Variants in G6PC1 observed in about 807,000 individuals in gnomAD.
G6PC1 encodes the protein G-6-Pase.
A neutral mutation model predicts 30.4 loss-of-function variants in G6PC1; 23 were observed. That is an observed-to-expected ratio of 0.76 (90% confidence interval 0.55 to 1.07). G6PC1 has a LOEUF of 1.07. Ranked by LOEUF, G6PC1 falls within the 50% of genes least tolerant of loss-of-function variation. The pLI, the probability that G6PC1 is intolerant of heterozygous loss-of-function variation, is 0.00. For synonymous variants in G6PC1, 163 were observed against 175.6 expected (o/e 0.93, Z 0.57); for missense variants, 391 against 433.9 (o/e 0.90, Z 0.88).
rs1232795664 is a variant in G6PC1 at position 42,900,874 on chromosome 17, A to T, written c.-3A>T. 6.2e-7 allele frequency: 1 copy of T among 1,612,592 alleles called. No homozygotes were observed. Among genetic ancestry groups the T allele is most frequent in the Non-Finnish European group, 8.5e-7 (1 of 1,178,570 alleles). The stretch of plus-strand genomic sequence containing the variant: ...ATCTTCCTGAGGTGCCAAGGAAATG[A>T]GGATGGAGGAAGGAATGAATGTTCT... On this transcript the variant is annotated 5_prime_UTR_variant, in exon 1 of 5. Transcript: ENST00000253801.
At chr17:42,905,433 T>C (rs1166389963) in intron 2 of G6PC1, among the ~76,000 whole-genome samples, 2 of 93,302 alleles carry the variant, frequency 2.1e-5, no homozygotes, top group South Asian at 6.0e-4. Context: ...AAAAAAAATA[T>C]ATATATATAT....
intron 2 of G6PC1, 91 bp downstream of exon 2, chr17:42,904,131 C>T (rs2151930074): frequency 1.2e-6 from 1 of 861,128 alleles, no homozygotes; most frequent in African/African-American, 1.6e-5. Context: ...TGAGGAGAGC[C>T]ATTCCTTTGT....
intron 3 of G6PC1, 99 bp downstream of exon 3, chr17:42,907,727 C>A (rs2056071238): frequency 1.1e-5 from 9 of 819,376 alleles, no homozygotes; most frequent in Non-Finnish European, 1.9e-5. Context: ...CCCTAGCCCG[C>A]TCCCACACCT....
In G6PC1 at chr17:42,914,392, TAAG is replaced by T. The variant is rs2056113804; in HGVS notation, c.*2969_*2971del. On this transcript the variant is annotated 3_prime_UTR_variant, in exon 5 of 5. Coordinates refer to ENST00000253801, the MANE Select transcript of G6PC1 (RefSeq NM_000151.4). ...CACTCCCTGAAGTTTATGAGGTTGA[TAAG>T]AAAACATAACAGATAAAGTTTATTG... Among the ~76,000 whole-genome samples, 1 of 152,208 alleles carries T rather than the reference TAAG, an allele frequency of 6.6e-6. No homozygotes were observed. Among genetic ancestry groups the T allele is most frequent in the Non-Finnish European group, 1.5e-5 (1 of 68,032 alleles).
chr17:42,912,634 C>G lies in G6PC1; in HGVS notation c.*1208C>G, dbSNP rs1314676553. ...TTCTTAAAGGAAAAGTCAACATCTT[C>G]TCTCTTTTTTTTTTTTTTTGAGACA... On this transcript the variant is annotated 3_prime_UTR_variant, in exon 5 of 5. Coordinates refer to ENST00000253801, the MANE Select transcript of G6PC1 (RefSeq NM_000151.4). 1.2e-5 allele frequency: 1 copy of G among 86,670 alleles called. No individual in the cohort carries two copies. 5.4% of individuals were successfully genotyped at this position (86,670 alleles called of 1,614,324 possible).
chr17:42,905,004 T>G lies in G6PC1; in HGVS notation c.340+964T>G, dbSNP rs1243977913. On this transcript the variant is annotated intron_variant, in intron 2 of 4. Coordinates refer to ENST00000253801, the MANE Select transcript of G6PC1 (RefSeq NM_000151.4). Reference sequence around the variant, plus strand: ...GCACACGCCTGTAGTCTCAGCTACCTGGGAGGCTGAGGCAGGAGAATCGCT... The same window carrying G: ...GCACACGCCTGTAGTCTCAGCTACCGGGGAGGCTGAGGCAGGAGAATCGCT... Among the ~76,000 whole-genome samples, 3 of 151,798 alleles carry G rather than the reference T, an allele frequency of 2.0e-5. 1 individual carries two copies. The South Asian group carries it at 6.2e-4, about 32-fold the overall frequency.
At chr17:42,909,561 G>A (rs538307135) in intron 4 of G6PC1, 143 bp downstream of exon 4, 111 of 731,426 alleles carry the variant, frequency 1.5e-4, no homozygotes, top group Middle Eastern at 1.1e-3. Flanking sequence ...AGTCAAGAAT[G>A]AGCAACTTGA....
chr17:42,904,269 A>G (rs1330323304), intron 2 of G6PC1: 1 of 514,688 alleles, frequency 1.9e-6, no homozygotes. Flanking sequence ...ACGGGCATCC[A>G]TGGGCAAAGG....
rs1253866524 is a variant in G6PC1 at position 42,910,918 on chromosome 17, T to C, written c.566T>C (p.Ile189Thr). The part of the protein sequence containing the change: ...HQVVAGVLSG[I>T]AVAETFSHIH... ...AGTCATGCTTTCTTCCACTCAGGCA[T>C]TGCTGTTGCAGAAACTTTCAGCCAC... The change falls in exon 5 of 5, where the codon ATT becomes ACT. Residue 189 changes from isoleucine to threonine, a missense_variant. Ile to Thr is a moderately conservative substitution (Grantham distance 89). Coordinates refer to ENST00000253801, the MANE Select transcript of G6PC1 (RefSeq NM_000151.4). 2 of 1,614,210 alleles carry C rather than the reference T, an allele frequency of 1.2e-6. No individual in the cohort carries two copies. The highest frequency in any genetic ancestry group is 1.7e-6 in the Non-Finnish European group (2 of 1,180,016).
Position 42,900,837 on chromosome 17 carries a change from G to C in G6PC1, c.-40G>C, listed in dbSNP as rs751555417. ...CCACCAAGCCTGGAATAACTGCAAG[G>C]GCTCTGCTGACATCTTCCTGAGGTG... is the stretch of plus-strand genomic sequence containing the variant. On this transcript the variant is annotated 5_prime_UTR_variant, in exon 1 of 5. Transcript: ENST00000253801. 1.3e-6 allele frequency: 2 copies of C among 1,532,812 alleles called. No individual in the cohort carries two copies. The highest frequency in any genetic ancestry group is 1.8e-6 in the Non-Finnish European group (2 of 1,107,488). 95.0% of individuals were successfully genotyped at this position (1,532,812 alleles called of 1,614,324 possible). A position where few individuals can be genotyped will look rare whatever the true frequency, so the allele number is the denominator to read the frequency against.
At chr17:42,904,128 A>G in intron 2 of G6PC1, 88 bp downstream of exon 2, 4 of 875,984 alleles carry the variant, frequency 4.6e-6, no homozygotes, top group Non-Finnish European at 7.9e-6. Context: ...ACATGAGGAG[A>G]GCCATTCCTT....
At chr17:42,902,150 T>A (rs1172446380) in intron 1 of G6PC1, among the ~76,000 whole-genome samples, 1 of 151,686 alleles carries the variant, frequency 6.6e-6, no homozygotes, top group Non-Finnish European at 1.5e-5. Context: ...CCAGTGCTGA[T>A]AAACTGACTC....
Position 42,911,221 on chromosome 17 carries a change from A to T in G6PC1, c.869A>T (p.Lys290Met). The T allele has an allele frequency of 6.2e-7, 1 of 1,614,168 alleles. No homozygotes were observed. The highest frequency in any genetic ancestry group is 8.5e-7 in the Non-Finnish European group (1 of 1,180,036). Residue 290 changes from lysine to methionine, a missense_variant, in exon 5 of 5, where the codon AAG (lysine) becomes ATG (methionine). By Grantham distance (95) the Lys-to-Met change is moderately conservative (BLOSUM62 -1). Coordinates refer to ENST00000253801, the MANE Select transcript of G6PC1 (RefSeq NM_000151.4). ...GAGAGCTGCAAGGGGAAACTCAGCA[A>T]GTGGCTCCCATTCCGCCTCAGCTCT... ...YRESCKGKLS[K>M]WLPFRLSSIV...
Position 42,914,345 on chromosome 17 carries a change from G to T in G6PC1, c.*2919G>T, listed in dbSNP as rs1367141677. On this transcript the variant is annotated 3_prime_UTR_variant, in exon 5 of 5. Transcript: ENST00000253801. ...TCCAAGATCCTTACAAGAAAGGTCT[G>T]CCAGAAAGTAAATACTGCCCCCACT... Among the ~76,000 whole-genome samples, 2 of 152,168 alleles carry T rather than the reference G, an allele frequency of 1.3e-5. No homozygotes were observed. The highest frequency in any genetic ancestry group is 2.9e-5 in the Non-Finnish European group (2 of 68,040).
chr17:42,903,818 C>T (rs1567703663), intron 1 of G6PC1, 113 bp from the exon 2 acceptor site: 2 of 771,166 alleles, frequency 2.6e-6, no homozygotes, highest in Admixed American at 1.8e-5. Flanking sequence ...CCAGTTCTCC[C>T]TTCTAGAGGC....
At chr17:42,908,104 C>A (rs924354558) in intron 3 of G6PC1, among the ~76,000 whole-genome samples, 1 of 152,194 alleles carries the variant, frequency 6.6e-6, no homozygotes, top group South Asian at 2.1e-4. Flanking sequence ...GATCATGTCT[C>A]GCTGCAACCT....
At chr17:42,905,546 A>AGAAG (rs937807020) in intron 2 of G6PC1, among the ~76,000 whole-genome samples, 2 of 149,770 alleles carry the variant, frequency 1.3e-5, no homozygotes, top group East Asian at 3.9e-4. Flanking sequence ...AAAGGAAAGG[A>AGAAG]GAAGGAAAGA....
Position 42,911,606 on chromosome 17 carries a change from C to A in G6PC1, c.*180C>A. ...GCCTGGCTTATTCCCATGTGTGACT[C>A]CAGCCTGCCCTCAGCACAGACTCTT... On this transcript the variant is annotated 3_prime_UTR_variant, in exon 5 of 5. Coordinates refer to ENST00000253801, the MANE Select transcript of G6PC1 (RefSeq NM_000151.4). 1.2e-6 allele frequency: 1 copy of A among 829,076 alleles called. No homozygotes were observed. Among genetic ancestry groups the A allele is most frequent in the Non-Finnish European group, 1.9e-6 (1 of 519,692 alleles). The allele number at this position is 829,076 out of a possible 1,614,324, so 51.4% of individuals were successfully genotyped here.
At chr17:42,902,230 G>A (rs1255916831) in intron 1 of G6PC1, among the ~76,000 whole-genome samples, 1 of 152,046 alleles carries the variant, frequency 6.6e-6, no homozygotes, top group Non-Finnish European at 1.5e-5. Context: ...TCCCATTCTG[G>A]CCACTTTCTT....
Sources: gnomAD v4.1 joint callset for allele counts (sites outside exome capture counted in the v4.1 genomes callset) on GRCh38, gnomAD v4.1.1 for gene constraint, MANE v1.5 for transcripts, NCBI Gene and HGNC (gene_info 2026-07-23, HGNC 2026-07-21) for gene names.